The following OVOL2 variants were observed in gnomAD, a reference collection of about 807,000 sequenced individuals.
OVOL2 encodes the protein ovo like zinc finger 2, also known as transcription factor Ovo-like 2.
In OVOL2, 13 loss-of-function variants were observed where a neutral mutation model predicts 18.1. The ratio of observed to expected loss-of-function variants is 0.72; its 90% CI spans 0.47 to 1.14. The LOEUF (loss-of-function observed/expected upper bound fraction) is 1.14. Ranked by LOEUF, OVOL2 falls within the 50% of genes most tolerant of loss-of-function variation. The probability of loss-of-function intolerance (pLI) is 0.00; values close to 1 mark genes in which losing one functional copy is unlikely to be tolerated. For synonymous variants in OVOL2, 166 were observed against 162.7 expected (o/e 1.02, Z -0.16); for missense variants, 335 against 383.0 (o/e 0.87, Z 1.05).
At chr20:18,039,305 C>T (rs1334379129) in intron 3 of OVOL2, among the ~76,000 whole-genome samples, 1 of 152,136 alleles carries the variant, frequency 6.6e-6, no homozygotes, top group Non-Finnish European at 1.5e-5. Context: ...ATGTATGTTA[C>T]ACTAAAATGA....
At chr20:18,058,862 G>T, upstream of OVOL2, 1 of 152,572 alleles carries the variant, frequency 6.6e-6, no homozygotes, top group Non-Finnish European at 1.5e-5. Flanking sequence ...GGTAAAATAT[G>T]CCAAGTTTGT....
rs368161208 is a variant in OVOL2 at position 18,024,828 on chromosome 20, C to T, written c.636G>A (p.Lys212=). The part of the protein sequence containing the change: ...QQYAYKQRRD[K]LYVCEDCGYT... ...AGCCGCAATCCTCGCAGACGTAGAG[C>T]TTGTCCCGCCGCTGCTTATAGGCAT... Residue 212 remains lysine (K), a synonymous_variant, in exon 4 of 4, where the codon AAG becomes AAA. Transcript: ENST00000278780. 7.8e-5 allele frequency: 126 copies of T among 1,614,200 alleles called. No individual in the cohort carries two copies. In the African/African-American group the frequency reaches 1.5e-3, roughly 20 times the overall value.
In OVOL2 at chr20:18,057,126, G is replaced by A. The variant is rs2036836295; in HGVS notation, c.101-249C>T. Among the ~76,000 whole-genome samples, 1 of 152,174 alleles carries A rather than the reference G, an allele frequency of 6.6e-6. No individual in the cohort carries two copies. Among genetic ancestry groups the A allele is most frequent in the African/African-American group, 2.4e-5 (1 of 41,456 alleles). On this transcript the variant is annotated intron_variant, in intron 1 of 3. Transcript: ENST00000278780. This position sits in a 1 kb window ranked among gnomAD's most constrained non-coding sequence, Gnocchi z 6.3. ...AACCGGGCGGCCACGAGCGGCGGAG[G>A]ACCCCGCGCGCCAAGTTTCCTCTCA...
intron 2 of OVOL2, among the ~76,000 whole-genome samples, chr20:18,049,552 C>CCT (rs759076494): frequency 2.5e-5 from 2 of 79,668 alleles, no homozygotes; most frequent in Admixed American, 1.3e-4. Context: ...CATTCAGATT[C>CCT]CCCCCCCGAT....
Position 18,057,434 on chromosome 20 carries a change from G to A in OVOL2, c.100+101C>T. 1.5e-6 allele frequency: 2 copies of A among 1,340,468 alleles called. No individual in the cohort carries two copies. The highest frequency in any genetic ancestry group is 1.3e-5 in the South Asian group (1 of 75,470). 83.0% of individuals were successfully genotyped at this position (1,340,468 alleles called of 1,614,324 possible). A position where few individuals can be genotyped will look rare whatever the true frequency, so the allele number is the denominator to read the frequency against. ...CGCGTGCCCCCCGGAAGAGGGGGAT[G>A]AGGTGGGGAGCCCGCCCCTGCCGAT... On this transcript the variant is annotated intron_variant, in intron 1 of 3. Transcript: ENST00000278780. The surrounding 1 kb of genome is among the most constrained non-coding windows in gnomAD (Gnocchi z 6.3).
intron 2 of OVOL2, among the ~76,000 whole-genome samples, chr20:18,050,355 A>G (rs2036761643): frequency 6.6e-6 from 1 of 152,224 alleles, no homozygotes; most frequent in African/African-American, 2.4e-5. Flanking sequence ...ACGGGCAGCC[A>G]TCGAGGTGGC....
In OVOL2 at chr20:18,056,512, G is replaced by A. The variant is rs914915780; in HGVS notation, c.321+145C>T. ...GAGGCGCCCTGGCCGCCGCCCAGGGGCAGGTGCAGGAGCGGCGCGGCGGGC... is the reference window on the plus strand; with the variant it reads ...GAGGCGCCCTGGCCGCCGCCCAGGGACAGGTGCAGGAGCGGCGCGGCGGGC... On this transcript the variant is annotated intron_variant, in intron 2 of 3. Transcript: ENST00000278780. The surrounding 1 kb of genome is among the most constrained non-coding windows in gnomAD (Gnocchi z 4.2). 785 of 997,350 alleles carry A rather than the reference G, an allele frequency of 7.9e-4. 19 individuals carry two copies. The highest frequency in any genetic ancestry group is 2.1e-3 in the Admixed American group (36 of 16,860). 61.8% of individuals were successfully genotyped at this position (997,350 alleles called of 1,614,324 possible).
Position 18,057,581 on chromosome 20 carries a change from G to C in OVOL2, c.54C>G (p.Ser18Arg), listed in dbSNP as rs2036842140. 1 of 1,597,806 alleles carries C rather than the reference G, an allele frequency of 6.3e-7. No individual in the cohort carries two copies. Among genetic ancestry groups the C allele is most frequent in the East Asian group, 2.3e-5 (1 of 44,008 alleles). ...TTTTCTCATCCGGGAGCTCATCCCA[G>C]CTGCGGACCGAGACCCCCAGGCTCC... ...KRRSLGVSVRSWDELPDEKRA... is the reference protein window; with the variant it reads ...KRRSLGVSVRRWDELPDEKRA... Residue 18 changes from serine (S) to arginine (R), a missense_variant, in exon 1 of 4, where the codon AGC becomes AGG. By Grantham distance (110) the Ser-to-Arg change is moderately radical (BLOSUM62 -1). Transcript: ENST00000278780. The surrounding 1 kb of genome is among the most constrained non-coding windows in gnomAD (Gnocchi z 6.3).
At chr20:18,031,187 C>T (rs1053691476) in intron 3 of OVOL2, among the ~76,000 whole-genome samples, 7 of 152,168 alleles carry the variant, frequency 4.6e-5, no homozygotes, top group African/African-American at 1.2e-4. Context: ...AGCCAGGCTG[C>T]GGATCTGCTG....
chr20:18,055,003 C>A lies in OVOL2; in HGVS notation c.321+1654G>T, dbSNP rs147475298. On this transcript the variant is annotated intron_variant, in intron 2 of 3. Transcript: ENST00000278780. ...TGGGGGTAGAGGCAGAAAGAGGGAA[C>A]CTAAACATCCCCAGTAAATAAAAAT... 7.4e-3 allele frequency among the ~76,000 whole-genome samples: 1,129 copies of A among 152,022 alleles called. 7 individuals are homozygous for A. The highest frequency in any genetic ancestry group is 0.011 in the Non-Finnish European group (730 of 67,986).
At chr20:18,048,018 T>C (rs2122719016) in intron 2 of OVOL2, among the ~76,000 whole-genome samples, 1 of 152,116 alleles carries the variant, frequency 6.6e-6, no homozygotes, top group Non-Finnish European at 1.5e-5. Flanking sequence ...CCAGATACGG[T>C]GGCTCCTGCC....
intron 2 of OVOL2, among the ~76,000 whole-genome samples, chr20:18,044,658 G>A (rs558546902): frequency 1.3e-5 from 2 of 152,292 alleles, no homozygotes; most frequent in South Asian, 4.1e-4. Flanking sequence ...CTAGGAAGCT[G>A]CCGAGTCTAG....
At position 18,057,867 on chromosome 20, in the gene OVOL2, G is replaced by A. The variant is rs540417196; in HGVS notation, c.-233C>T. ...TGCCTTAAATCGCGAGTGAGACCAC[G>A]CCGGGGAAAAAGTTTCATAAGGTGG... On this transcript the variant is annotated 5_prime_UTR_variant, in exon 1 of 4. Coordinates refer to ENST00000278780, the MANE Select transcript of OVOL2 (RefSeq NM_021220.4). This position sits in a 1 kb window ranked among gnomAD's most constrained non-coding sequence, Gnocchi z 6.3. 133 of 1,339,500 alleles carry A rather than the reference G, an allele frequency of 9.9e-5. 1 individual carries two copies. The South Asian group carries it at 1.8e-3, about 19-fold the overall frequency. The allele number at this position is 1,339,500 out of a possible 1,614,324, so 83.0% of individuals were successfully genotyped here. A position where few individuals can be genotyped will look rare whatever the true frequency, so the allele number is the denominator to read the frequency against.
intron 3 of OVOL2, among the ~76,000 whole-genome samples, chr20:18,028,526 C>T (rs893315495): frequency 1.3e-5 from 2 of 152,008 alleles, no homozygotes; most frequent in Admixed American, 6.6e-5. Context: ...GGTGCGGTGG[C>T]TCACGCTTGT....
intron 2 of OVOL2, among the ~76,000 whole-genome samples, chr20:18,045,291 T>C (rs1291576175): frequency 6.6e-6 from 1 of 152,218 alleles, no homozygotes; most frequent in African/African-American, 2.4e-5. Context: ...AGTGAGGGGC[T>C]AATGAAATAG....
intron 3 of OVOL2, among the ~76,000 whole-genome samples, chr20:18,025,555 T>G (rs1285001028): frequency 6.6e-6 from 1 of 151,312 alleles, no homozygotes; most frequent in Non-Finnish European, 1.5e-5. Context: ...GGCAACAGAG[T>G]GAGACTCCAT....
chr20:18,053,158 C>T (rs186223186), intron 2 of OVOL2, among the ~76,000 whole-genome samples: 11 of 152,334 alleles, frequency 7.2e-5, no homozygotes, highest in African/African-American at 2.2e-4. Flanking sequence ...CCCATCAACA[C>T]GATCAAGTTA....
At chr20:18,043,287 T>C (rs2036692307) in intron 2 of OVOL2, among the ~76,000 whole-genome samples, 1 of 152,180 alleles carries the variant, frequency 6.6e-6, no homozygotes, top group African/African-American at 2.4e-5. Context: ...ATGGAGACTG[T>C]TTTCCCTCCC....
At position 18,056,981 on chromosome 20, in the gene OVOL2, C is replaced by A. The variant is rs573035107; in HGVS notation, c.101-104G>T. The A allele has an allele frequency of 2.3e-6, 3 of 1,311,634 alleles. No individual in the cohort carries two copies. The highest frequency in any genetic ancestry group is 2.9e-6 in the Non-Finnish European group (3 of 1,018,130). 81.2% of individuals were successfully genotyped at this position (1,311,634 alleles called of 1,614,324 possible). A position where few individuals can be genotyped will look rare whatever the true frequency, so the allele number is the denominator to read the frequency against. ...GTGCTGCCGCCGCCCCGCCCCGGAC[C>A]TGGGCACCTCGCCAAGTGGGCAACG... On this transcript the variant is annotated intron_variant, in intron 1 of 3. Coordinates refer to ENST00000278780, the MANE Select transcript of OVOL2 (RefSeq NM_021220.4). This position sits in a 1 kb window ranked among gnomAD's most constrained non-coding sequence, Gnocchi z 4.2.
Sources: gnomAD v4.1 joint callset for allele counts (sites outside exome capture counted in the v4.1 genomes callset) on GRCh38, gnomAD v4.1.1 for gene constraint, Gnocchi (gnomAD v3.1) non-coding constraint, MANE v1.5 for transcripts, NCBI Gene and HGNC (gene_info 2026-07-23, HGNC 2026-07-21) for gene names.